ATE1: variants seen among roughly 807,000 people sequenced by gnomAD.
ATE1 encodes arginyl-tRNA--protein transferase 1.
ATE1 carries 36 observed loss-of-function variants against 70.5 expected under a neutral mutation model. The observed-to-expected ratio is 0.51, with a 90% CI of 0.39 to 0.67. The LOEUF (loss-of-function observed/expected upper bound fraction) is 0.67, where lower values mean the gene tolerates loss of function less well. ATE1 is among the 30% of genes least tolerant of loss of function. The pLI is 0.00. For missense variants in ATE1, 593 were observed against 629.5 expected (o/e 0.94, Z 0.62); for synonymous variants, 232 against 219.3 (o/e 1.06, Z -0.51).
At chr10:121,745,301 T>C (rs1400105574) in intron 11 of ATE1, among the ~76,000 whole-genome samples, 1 of 152,150 alleles carries the variant, frequency 6.6e-6, no homozygotes, top group Non-Finnish European at 1.5e-5. Context: ...TGACTACATA[T>C]TGTAACCACC....
chr10:121,881,969 G>T (rs1950240125), intron 7 of ATE1, among the ~76,000 whole-genome samples: 1 of 151,958 alleles, frequency 6.6e-6, no homozygotes, highest in South Asian at 2.1e-4. Context: ...AATTTCTTTT[G>T]TATTTTAGTA....
intron 7 of ATE1, among the ~76,000 whole-genome samples, chr10:121,875,017 T>TGGCGGGCGCCTGA: frequency 1.6e-5 from 1 of 63,614 alleles, no homozygotes. Flanking sequence ...GCCGGGCACG[T>TGGCGGGCGCCTGA]AGTCCCAGCT....
At chr10:121,869,023 A>T (rs1423061596) in intron 8 of ATE1, among the ~76,000 whole-genome samples, 1 of 152,236 alleles carries the variant, frequency 6.6e-6, no homozygotes, top group Non-Finnish European at 1.5e-5. Flanking sequence ...AAAATGAAAT[A>T]AACAATAGGC....
intron 10 of ATE1, among the ~76,000 whole-genome samples, chr10:121,807,018 T>A (rs1463512669): frequency 6.6e-6 from 1 of 152,204 alleles, no homozygotes; most frequent in Non-Finnish European, 1.5e-5. Context: ...ATTTTTCTAA[T>A]GTTGATCCTC....
At position 121,743,163 on chromosome 10, in the gene ATE1, G is replaced by A. The variant is rs1944203257; in HGVS notation, c.*517C>T. On this transcript the variant is annotated 3_prime_UTR_variant, in exon 12 of 12. Transcript: ENST00000224652. ...TCTCTATTAAACTACATAACATTTG[G>A]CAGCAATTTCACATTGAACACTGAG... is the stretch of plus-strand genomic sequence containing the variant. The A allele has an allele frequency of 6.6e-6, 1 of 152,340 alleles. No individual in the cohort carries two copies. 9.4% of individuals were successfully genotyped at this position (152,340 alleles called of 1,614,324 possible).
At chr10:121,781,290 C>A (rs1945977426) in intron 11 of ATE1, among the ~76,000 whole-genome samples, 1 of 152,150 alleles carries the variant, frequency 6.6e-6, no homozygotes, top group Non-Finnish European at 1.5e-5. Flanking sequence ...GGCAGGCAGG[C>A]AAGGTCTGTC....
At chr10:121,923,764 TAAAG>T (rs764776031) in intron 2 of ATE1, among the ~76,000 whole-genome samples, 1 of 152,154 alleles carries the variant, frequency 6.6e-6, no homozygotes, top group African/African-American at 2.4e-5. Context: ...AATAAACTGT[TAAAG>T]AAGACATTTT....
At chr10:121,897,217 C>A (rs1269964829) in intron 7 of ATE1, among the ~76,000 whole-genome samples, 1 of 152,118 alleles carries the variant, frequency 6.6e-6, no homozygotes, top group African/African-American at 2.4e-5. Flanking sequence ...AGGGACTTCC[C>A]AGAGGCCTGA....
At chr10:121,745,821 AGAAACTG>A (rs1944347590) in intron 11 of ATE1, among the ~76,000 whole-genome samples, 1 of 152,238 alleles carries the variant, frequency 6.6e-6, no homozygotes, top group African/African-American at 2.4e-5. Context: ...ACTCTCTCTT[AGAAACTG>A]GAAACAGCCT....
intron 3 of ATE1, among the ~76,000 whole-genome samples, chr10:121,919,966 T>A (rs1275712839): frequency 6.6e-6 from 1 of 151,790 alleles, no homozygotes; most frequent in East Asian, 1.9e-4. Context: ...CCAGCTCTCA[T>A]CGACTTCTCA....
At chr10:121,806,591 G>GT (rs1224550187) in intron 10 of ATE1, among the ~76,000 whole-genome samples, 1 of 152,178 alleles carries the variant, frequency 6.6e-6, no homozygotes, top group Non-Finnish European at 1.5e-5. Context: ...TGATATTACT[G>GT]TAAGAATATT....
chr10:121,850,934 A>G (rs1199012049), intron 8 of ATE1, among the ~76,000 whole-genome samples: 4 of 151,792 alleles, frequency 2.6e-5, no homozygotes, highest in African/African-American at 9.7e-5. Flanking sequence ...TACTAAAAAT[A>G]CAAAAAATTA....
intron 11 of ATE1, among the ~76,000 whole-genome samples, chr10:121,784,055 G>C (rs1228974593): frequency 6.6e-6 from 1 of 152,160 alleles, no homozygotes. Flanking sequence ...ACCTTGCCTG[G>C]CACTTGCTTT....
chr10:121,851,618 C>T (rs77591768), intron 8 of ATE1, among the ~76,000 whole-genome samples: 5,016 of 152,224 alleles, frequency 0.033, 152 homozygotes, highest in African/African-American at 0.082. Context: ...TACAAAATTA[C>T]ATGAGTAGCT....
intron 11 of ATE1, among the ~76,000 whole-genome samples, chr10:121,763,304 CA>C (rs1244281891): frequency 1.3e-5 from 2 of 152,004 alleles, no homozygotes; most frequent in East Asian, 3.9e-4. Flanking sequence ...CAAAAATACA[CA>C]AAAAATGTTT....
chr10:121,864,947 A>G (rs1382288408), intron 8 of ATE1, among the ~76,000 whole-genome samples: 4 of 152,314 alleles, frequency 2.6e-5, no homozygotes, highest in South Asian at 4.1e-4. Context: ...CCAGCCCACC[A>G]TGCTGATAGT....
chr10:121,810,617 T>A (rs1394707876), intron 10 of ATE1, among the ~76,000 whole-genome samples: 1 of 152,176 alleles, frequency 6.6e-6, no homozygotes, highest in African/African-American at 2.4e-5. Context: ...ATATTACATA[T>A]GACTAGTATG....
intron 5 of ATE1, among the ~76,000 whole-genome samples, chr10:121,904,037 T>A (rs182015232): frequency 6.6e-6 from 1 of 151,458 alleles, no homozygotes; most frequent in Admixed American, 6.6e-5. Context: ...TGGAGTGCAG[T>A]GGCGCCATCT....
At chr10:121,885,154 G>A (rs776379553) in intron 7 of ATE1, among the ~76,000 whole-genome samples, 7 of 151,370 alleles carry the variant, frequency 4.6e-5, no homozygotes, top group African/African-American at 9.7e-5. Flanking sequence ...CCAGTTACTC[G>A]GGAGACTGAG....
Sources: gnomAD v4.1 joint callset for allele counts (sites outside exome capture counted in the v4.1 genomes callset) on GRCh38, gnomAD v4.1.1 for gene constraint, MANE v1.5 for transcripts, NCBI Gene and HGNC (gene_info 2026-07-23, HGNC 2026-07-21) for gene names.